The following DSCAM variants were observed in gnomAD, a reference collection of about 807,000 sequenced individuals.
DSCAM encodes DS cell adhesion molecule, also known as cell adhesion molecule DSCAM.
A neutral mutation model predicts 217.7 loss-of-function variants in DSCAM; 47 were observed. The ratio of observed to expected loss-of-function variants is 0.22; its 90% CI spans 0.17 to 0.28. The LOEUF (loss-of-function observed/expected upper bound fraction) is 0.28. Among genes scored for constraint, DSCAM ranks in the 10% least tolerant of loss-of-function variants. The pLI, the probability that DSCAM is intolerant of heterozygous loss-of-function variation, is 1.00. For synonymous variants in DSCAM, 1,056 were observed against 1,015.3 expected (o/e 1.04, Z -0.76); for missense variants, 2,080 against 2,618.3 (o/e 0.79, Z 4.49).
rs141827637 is a variant in DSCAM, at chr21:40,080,320, C to T, written c.4252G>A (p.Glu1418Lys). The T allele has an allele frequency of 1.9e-6, 3 of 1,611,634 alleles. No individual in the cohort carries two copies. The highest frequency in any genetic ancestry group is 2.2e-5 in the East Asian group (1 of 44,694). The change falls in exon 25 of 33, where the codon GAG becomes AAG. Residue 1418 changes from glutamate (E) to lysine (K), a missense_variant. Coordinates refer to ENST00000400454, the MANE Select transcript of DSCAM (RefSeq NM_001389.5). ...CTCCCCCACTGCTCACTATTGTCCT[C>T]GGAGTACTGCAGTATGTATCCTGCA... is the stretch of plus-strand genomic sequence containing the variant. ...SIRGYILQYS[E>K]DNSEQWGSFP...
intron 1 of DSCAM, among the ~76,000 whole-genome samples, chr21:40,712,809 C>CAGAGAGAGAGAG (rs142528775): frequency 2.5e-4 from 38 of 149,044 alleles, no homozygotes; most frequent in African/African-American, 8.4e-4. Flanking sequence ...GAAGTTGAGA[C>CAGAGAGAGAGAG]AGAGAGAGAG....
At chr21:40,341,051 T>A (rs2074485642) in intron 6 of DSCAM, among the ~76,000 whole-genome samples, 1 of 152,208 alleles carries the variant, frequency 6.6e-6, no homozygotes, top group Non-Finnish European at 1.5e-5. Flanking sequence ...GCTGGAGAAG[T>A]CCCTGGAGTT....
At chr21:40,659,679 C>CTAT (rs2090118083) in intron 3 of DSCAM, among the ~76,000 whole-genome samples, 1 of 67,934 alleles carries the variant, frequency 1.5e-5, no homozygotes, top group Non-Finnish European at 4.8e-5. Flanking sequence ...ATCTGCCTAT[C>CTAT]TGTCTATCTA....
At chr21:40,432,160 G>A (rs1440313186) in intron 3 of DSCAM, among the ~76,000 whole-genome samples, 3 of 151,988 alleles carry the variant, frequency 2.0e-5, no homozygotes, top group Non-Finnish European at 4.4e-5. Flanking sequence ...TCGTGCCATT[G>A]CACTTCAGTC....
chr21:40,404,391 A>C (rs1378462213), intron 3 of DSCAM, among the ~76,000 whole-genome samples: 1 of 152,200 alleles, frequency 6.6e-6, no homozygotes, highest in Non-Finnish European at 1.5e-5. Flanking sequence ...TGATTTCCTA[A>C]GATCCAGTCT....
chr21:40,194,295 G>C (rs1360311739), intron 11 of DSCAM, among the ~76,000 whole-genome samples: 1 of 152,118 alleles, frequency 6.6e-6, no homozygotes, highest in Non-Finnish European at 1.5e-5. Flanking sequence ...TTAAAGTAAT[G>C]GTGGAAAGGA....
chr21:40,224,518 G>C (rs954979752), intron 11 of DSCAM, among the ~76,000 whole-genome samples: 2 of 152,180 alleles, frequency 1.3e-5, no homozygotes, highest in African/African-American at 4.8e-5. Flanking sequence ...ACACTGATGG[G>C]AAGAGCTCTA....
At chr21:40,335,564 A>G (rs2074421896) in intron 8 of DSCAM, among the ~76,000 whole-genome samples, 1 of 152,214 alleles carries the variant, frequency 6.6e-6, no homozygotes, top group Non-Finnish European at 1.5e-5. Flanking sequence ...CCTAAAAATT[A>G]CATTAAAGTA....
chr21:40,722,350 T>C (rs183710187), intron 1 of DSCAM, among the ~76,000 whole-genome samples: 27 of 152,206 alleles, frequency 1.8e-4, no homozygotes, highest in African/African-American at 5.1e-4. Context: ...TTGTAACATA[T>C]AGATAAAATG....
chr21:40,792,137 CTTTTTTTTTTT>C (rs67838146), intron 1 of DSCAM, among the ~76,000 whole-genome samples: 53 of 118,602 alleles, frequency 4.5e-4, no homozygotes, highest in African/African-American at 1.8e-3. Context: ...TCTTCTTCTT[CTTTTTTTTTTT>C]TTTTTTTTTT....
At chr21:40,555,941 A>G (rs1403157193) in intron 3 of DSCAM, among the ~76,000 whole-genome samples, 2 of 152,186 alleles carry the variant, frequency 1.3e-5, no homozygotes, top group East Asian at 3.8e-4. Flanking sequence ...ATACAGCTCA[A>G]CTGAGGTAGG....
At chr21:40,271,695 C>T (rs139093662) in intron 11 of DSCAM, among the ~76,000 whole-genome samples, 7 of 152,278 alleles carry the variant, frequency 4.6e-5, no homozygotes, top group Admixed American at 2.0e-4. Flanking sequence ...AAAAGCTACA[C>T]GCTTCCCTCA....
intron 3 of DSCAM, among the ~76,000 whole-genome samples, chr21:40,535,314 A>G (rs2076486773): frequency 6.6e-6 from 1 of 152,178 alleles, no homozygotes; most frequent in Non-Finnish European, 1.5e-5. Flanking sequence ...ATTTCCCTAG[A>G]CTTATATCCT....
chr21:40,203,779 C>T (rs982506086), intron 11 of DSCAM, among the ~76,000 whole-genome samples: 1 of 152,086 alleles, frequency 6.6e-6, no homozygotes, highest in Non-Finnish European at 1.5e-5. Context: ...TTACATTGTA[C>T]ATTCCTGTAC....
At chr21:40,221,734 G>A (rs561925849) in intron 11 of DSCAM, among the ~76,000 whole-genome samples, 11 of 152,276 alleles carry the variant, frequency 7.2e-5, no homozygotes, top group Non-Finnish European at 1.3e-4. Context: ...TCTCACGGCC[G>A]TTGTGGTCTT....
intron 18 of DSCAM, 87 bp downstream of exon 18, chr21:40,142,471 G>A: frequency 6.8e-7 from 1 of 1,467,322 alleles, no homozygotes; most frequent in Non-Finnish European, 9.4e-7. Context: ...CATATCCTGA[G>A]CCCCTTGTTA....
intron 32 of DSCAM, among the ~76,000 whole-genome samples, chr21:40,026,256 T>C (rs2088380754): frequency 7.1e-6 from 1 of 141,250 alleles, no homozygotes; most frequent in Non-Finnish European, 1.6e-5. Context: ...ATAATTTCTG[T>C]TCTTTTACAT....
intron 3 of DSCAM, among the ~76,000 whole-genome samples, chr21:40,571,048 AT>A (rs2076802471): frequency 6.6e-6 from 1 of 152,184 alleles, no homozygotes; most frequent in Admixed American, 6.5e-5. Flanking sequence ...TTAAAAAGTT[AT>A]TTCAAAATCA....
chr21:40,166,026 T>A (rs1049678830), intron 16 of DSCAM, among the ~76,000 whole-genome samples: 2 of 152,188 alleles, frequency 1.3e-5, no homozygotes, highest in Non-Finnish European at 2.9e-5. Context: ...ACTCATTGGC[T>A]GCGGTTGAGA....
Sources: gnomAD v4.1 joint callset for allele counts (sites outside exome capture counted in the v4.1 genomes callset) on GRCh38, gnomAD v4.1.1 for gene constraint, MANE v1.5 for transcripts, NCBI Gene and HGNC (gene_info 2026-07-23, HGNC 2026-07-21) for gene names.